Variants in PHACTR2 observed in about 807,000 individuals in gnomAD.
The protein encoded by PHACTR2 is phosphatase and actin regulator 2.
In PHACTR2, 30 loss-of-function variants were observed where a neutral mutation model predicts 76.0. The ratio of observed to expected loss-of-function variants is 0.39; its 90% confidence interval spans 0.30 to 0.54. PHACTR2 has a LOEUF of 0.54. Among genes scored for constraint, PHACTR2 ranks in the 20% least tolerant of loss-of-function variants. The probability of loss-of-function intolerance (pLI) is 0.61; values close to 1 mark genes in which losing one functional copy is unlikely to be tolerated. For synonymous variants in PHACTR2, 292 were observed against 292.5 expected (o/e 1.00, Z 0.02); for missense variants, 696 against 781.1 (o/e 0.89, Z 1.30).
rs928527078 is a variant in PHACTR2, at chr6:143,689,635, C to T, written c.46+11426C>T. Among the ~76,000 whole-genome samples, 10 of 152,128 alleles carry T rather than the reference C, an allele frequency of 6.6e-5. No individual in the cohort carries two copies. Among genetic ancestry groups the T allele is most frequent in the Admixed American group, 2.0e-4 (3 of 15,266 alleles). Reference sequence around the variant, plus strand: ...CCCTACCCCAACCCCTGCCTCTCCCCATTTCAGAATCATACATTTCCTATT... The same window carrying T: ...CCCTACCCCAACCCCTGCCTCTCCCTATTTCAGAATCATACATTTCCTATT... On this transcript the variant is annotated intron_variant, in intron 1 of 12. Coordinates refer to ENST00000440869, the MANE Select transcript of PHACTR2 (RefSeq NM_001100164.2). The surrounding 1 kb of genome is among the most constrained non-coding windows in gnomAD (Gnocchi z 4.4).
rs1341376031 is a variant in PHACTR2 at position 143,633,227 on chromosome 6, C to G, written c.13+24905C>G. The stretch of plus-strand genomic sequence containing the variant: ...CTGTACCATTTTGCATTCCCATCAG[C>G]AAAGAATGAGAGTTCCTGTTGCTCC... On this transcript the variant is annotated intron_variant, in intron 1 of 11. Coordinates refer to the PHACTR2 transcript ENST00000305766. The surrounding 1 kb of genome is among the most constrained non-coding windows in gnomAD (Gnocchi z 4.1). Among the ~76,000 whole-genome samples the G allele has an allele frequency of 6.6e-6, 1 of 152,160 alleles. No homozygotes were observed. The highest frequency in any genetic ancestry group is 1.9e-4 in the East Asian group (1 of 5,198).
At chr6:143,766,998 A>G (rs1349604468) in intron 6 of PHACTR2, among the ~76,000 whole-genome samples, 1 of 152,180 alleles carries the variant, frequency 6.6e-6, no homozygotes, top group Non-Finnish European at 1.5e-5. Context: ...TTTCAAAACA[A>G]TCTGTCATGT....
rs769085309 is a variant in PHACTR2, at chr6:143,753,920, A to G, written c.454+8A>G. On this transcript the variant is annotated splice_region_variant and intron_variant, in intron 4 of 12. Coordinates refer to ENST00000440869, the MANE Select transcript of PHACTR2 (RefSeq NM_001100164.2). This position sits in a 1 kb window ranked among gnomAD's most constrained non-coding sequence, Gnocchi z 4.6. ...AGGCAGAAGATAAGAAAGGTAAAATAAAGACAAACCCATATTATTTACTTT... is the reference window on the plus strand; with the variant it reads ...AGGCAGAAGATAAGAAAGGTAAAATGAAGACAAACCCATATTATTTACTTT... The G allele has an allele frequency of 6.3e-7, 1 of 1,592,250 alleles. No individual in the cohort carries two copies. The highest frequency in any genetic ancestry group is 8.5e-7 in the Non-Finnish European group (1 of 1,171,960).
chr6:143,737,675 A>G (rs1000390815), intron 2 of PHACTR2, among the ~76,000 whole-genome samples: 1 of 152,236 alleles, frequency 6.6e-6, no homozygotes, highest in African/African-American at 2.4e-5. Context: ...AGTTTCAGCT[A>G]CAGTGAAAAG....
At chr6:143,712,353 T>A in intron 2 of PHACTR2, 170 bp downstream of exon 2, 1 of 368,388 alleles carries the variant, frequency 2.7e-6, no homozygotes, top group Non-Finnish European at 4.7e-6. Context: ...AGAGTTCTGA[T>A]TTGCCTTCTT....
rs3818113 is a variant in PHACTR2, at chr6:143,753,532, T to C, written c.296-222T>C. On this transcript the variant is annotated intron_variant, in intron 3 of 12. Transcript: ENST00000440869. This position sits in a 1 kb window ranked among gnomAD's most constrained non-coding sequence, Gnocchi z 4.6. ...GGATAATTAGGATGATCATTCCTGT[T>C]GTCTTGAAATGGCGCATAGATATTC... 0.29 allele frequency among the ~76,000 whole-genome samples: 44,597 copies of C among 152,026 alleles called. 7,707 individuals are homozygous for C. Among genetic ancestry groups the C allele is most frequent in the South Asian group, 0.38 (1,845 of 4,816 alleles).
chr6:143,651,530 G>A (rs1008187806), intron 1 of PHACTR2, among the ~76,000 whole-genome samples: 4 of 152,284 alleles, frequency 2.6e-5, no homozygotes, highest in African/African-American at 9.6e-5. Flanking sequence ...ATGAGATAAA[G>A]TCCTTTGCAG....
At chr6:143,628,806 C>G (rs1019456644) in intron 1 of PHACTR2, among the ~76,000 whole-genome samples, 9 of 151,436 alleles carry the variant, frequency 5.9e-5, no homozygotes, top group Non-Finnish European at 1.0e-4. Context: ...GTCTTTCTCA[C>G]TTGAGCAAAG....
chr6:143,551,174 C>A lies in PHACTR2; in HGVS notation c.217+13967C>A, dbSNP rs558982186. Among the ~76,000 whole-genome samples the A allele has an allele frequency of 2.7e-4, 41 of 152,094 alleles. 2 individuals are homozygous for A. Among genetic ancestry groups the A allele is most frequent in the Non-Finnish European group, 5.6e-4 (38 of 67,942 alleles). On this transcript the variant is annotated intron_variant, in intron 1 of 11. Coordinates refer to the PHACTR2 transcript ENST00000367584. The stretch of plus-strand genomic sequence containing the variant: ...GAGTAGAAGATGGATATACAGCAGT[C>A]CCCCCTTATCTATGGGGGATTCATT...
At position 143,574,487 on chromosome 6, in the gene PHACTR2, T is replaced by C. The variant is rs1260887828; in HGVS notation, c.217+37280T>C. On this transcript the variant is annotated intron_variant, in intron 1 of 11. Transcript: ENST00000367584. ...AAAGTGGGTTCAATGTCTCTCAACATTGATACCTCTCATAGTAGGCAATTA... is the reference window on the plus strand; with the variant it reads ...AAAGTGGGTTCAATGTCTCTCAACACTGATACCTCTCATAGTAGGCAATTA... 2.0e-5 allele frequency among the ~76,000 whole-genome samples: 3 copies of C among 152,214 alleles called. No homozygotes were observed. The East Asian group carries it at 5.8e-4, about 29-fold the overall frequency.
Position 143,783,413 on chromosome 6 carries a change from T to C in PHACTR2, c.1707+133T>C, listed in dbSNP as rs1775478179. The C allele has an allele frequency of 1.9e-6, 1 of 532,180 alleles. No homozygotes were observed. Among genetic ancestry groups the C allele is most frequent in the Non-Finnish European group, 3.3e-6 (1 of 299,552 alleles). 33.0% of individuals were successfully genotyped at this position (532,180 alleles called of 1,614,324 possible). Reference sequence around the variant, plus strand: ...TCCTATTAGTCTATAATCATAGACATCAAAATCACAAGCCTGGGCAACATG... The same window carrying C: ...TCCTATTAGTCTATAATCATAGACACCAAAATCACAAGCCTGGGCAACATG... On this transcript the variant is annotated intron_variant, in intron 10 of 12. Coordinates refer to ENST00000440869, the MANE Select transcript of PHACTR2 (RefSeq NM_001100164.2). This position sits in a 1 kb window ranked among gnomAD's most constrained non-coding sequence, Gnocchi z 5.2.
chr6:143,590,998 A>G (rs903258925), intron 1 of PHACTR2, among the ~76,000 whole-genome samples: 1 of 152,212 alleles, frequency 6.6e-6, no homozygotes, highest in East Asian at 1.9e-4. Context: ...TGTATATCCT[A>G]CCAACAGTCG....
intron 1 of PHACTR2, among the ~76,000 whole-genome samples, chr6:143,628,331 G>A (rs1046642427): frequency 3.3e-5 from 5 of 152,228 alleles, no homozygotes; most frequent in African/African-American, 9.6e-5. Flanking sequence ...ACTGAAGGCA[G>A]CATATATTTA....
At chr6:143,628,288 T>C (rs775460256) in intron 1 of PHACTR2, among the ~76,000 whole-genome samples, 6 of 152,250 alleles carry the variant, frequency 3.9e-5, no homozygotes, top group Non-Finnish European at 7.3e-5. Flanking sequence ...TAGTTTCCTA[T>C]TGTTGCTGTA....
chr6:143,678,044 C>A lies in PHACTR2; in HGVS notation c.-120C>A. ...GCGCGGGGTAGAAGGTGAGGGGACCCGGCGGGCCGCTCGGCACAGGCCGGG... is the reference window on the plus strand; with the variant it reads ...GCGCGGGGTAGAAGGTGAGGGGACCAGGCGGGCCGCTCGGCACAGGCCGGG... On this transcript the variant is annotated 5_prime_UTR_variant, in exon 1 of 13. Coordinates refer to ENST00000440869, the MANE Select transcript of PHACTR2 (RefSeq NM_001100164.2). This position sits in a 1 kb window ranked among gnomAD's most constrained non-coding sequence, Gnocchi z 6.2. The A allele has an allele frequency of 6.6e-7, 1 of 1,522,072 alleles. No homozygotes were observed. 94.3% of individuals were successfully genotyped at this position (1,522,072 alleles called of 1,614,324 possible).
Position 143,578,616 on chromosome 6 carries a change from C to T in PHACTR2, c.217+41409C>T, listed in dbSNP as rs75579808. ...CTGTTGACTTGGATGCTGAGGGCTA[C>T]GTGGAGGGCCTGGACAATGAGGAGA... On this transcript the variant is annotated intron_variant, in intron 1 of 11. Transcript: ENST00000367584. The surrounding 1 kb of genome is among the most constrained non-coding windows in gnomAD (Gnocchi z 4.5). 2.5e-4 allele frequency among the ~76,000 whole-genome samples: 38 copies of T among 151,854 alleles called. No individual in the cohort carries two copies. In the East Asian group the frequency reaches 6.0e-3, roughly 24 times the overall value.
Position 143,822,032 on chromosome 6 carries a change from G to A in PHACTR2, c.1923-1642G>A, listed in dbSNP as rs780679162. On this transcript the variant is annotated intron_variant, in intron 12 of 12. Coordinates refer to ENST00000440869, the MANE Select transcript of PHACTR2 (RefSeq NM_001100164.2). This position sits in a 1 kb window ranked among gnomAD's most constrained non-coding sequence, Gnocchi z 5.5. The stretch of plus-strand genomic sequence containing the variant: ...CAACCCACCCTGCAAAAAGTAGGTA[G>A]AGGAAAGGGCATTAGCGCAAAAGCC... Among the ~76,000 whole-genome samples the A allele has an allele frequency of 7.9e-5, 12 of 152,096 alleles. No individual in the cohort carries two copies. Among genetic ancestry groups the A allele is most frequent in the Non-Finnish European group, 1.5e-4 (10 of 68,018 alleles).
intron 1 of PHACTR2, among the ~76,000 whole-genome samples, chr6:143,542,103 G>A (rs980119509): frequency 6.6e-6 from 1 of 152,164 alleles, no homozygotes; most frequent in Non-Finnish European, 1.5e-5. Context: ...AGGCCACCCT[G>A]CCCAGGCCAG....
chr6:143,813,946 T>A (rs1453558337), intron 12 of PHACTR2, among the ~76,000 whole-genome samples: 1 of 152,316 alleles, frequency 6.6e-6, no homozygotes, highest in South Asian at 2.1e-4. Context: ...AACCTACTGG[T>A]GACTGGAATC....
Sources: allele counts gnomAD v4.1 joint callset (sites outside exome capture counted in the v4.1 genomes callset), GRCh38; gene constraint gnomAD v4.1.1; non-coding constraint Gnocchi (gnomAD v3.1); transcripts MANE v1.5; gene names NCBI Gene and HGNC (gene_info 2026-07-23, HGNC 2026-07-21).